Variants in PDE10A observed in about 807,000 individuals in gnomAD.
The protein encoded by PDE10A is phosphodiesterase 10A, also known as cAMP and cAMP-inhibited cGMP 3',5'-cyclic phosphodiesterase 10A.
Under a neutral mutation model 97.7 loss-of-function variants are expected in PDE10A, and 39 were observed. The ratio of observed to expected loss-of-function variants is 0.40; its 90% CI spans 0.31 to 0.52. The LOEUF (loss-of-function observed/expected upper bound fraction) is 0.52. Among genes scored for constraint, PDE10A ranks in the 20% least tolerant of loss-of-function variants. The probability of loss-of-function intolerance (pLI) is 0.56; values close to 1 mark genes in which losing one functional copy is unlikely to be tolerated. For missense variants in PDE10A, 731 were observed against 1,047.8 expected, an observed-to-expected ratio of 0.70 and a Z score of 4.17; for synonymous variants, 371 against 376.8, an observed-to-expected ratio of 0.98 and a Z score of 0.18.
At chr6:165,760,202 C>A (rs1793216833) in intron 1 of PDE10A, among the ~76,000 whole-genome samples, 1 of 152,168 alleles carries the variant, frequency 6.6e-6, no homozygotes, top group Admixed American at 6.5e-5. Context: ...AAGTACACTA[C>A]CACGAAGGTT....
intron 18 of PDE10A, among the ~76,000 whole-genome samples, chr6:165,377,124 A>G (rs1175338424): frequency 6.6e-6 from 1 of 152,196 alleles, no homozygotes; most frequent in Admixed American, 6.5e-5. Flanking sequence ...GCATGATGTT[A>G]TTGCATACTT....
At chr6:165,945,110 A>T (rs1458021249) in intron 1 of PDE10A, among the ~76,000 whole-genome samples, 1 of 152,180 alleles carries the variant, frequency 6.6e-6, no homozygotes, top group Admixed American at 6.5e-5. Context: ...CTTTGAAATC[A>T]GGCTCTAAAG....
chr6:165,621,771 A>AGGAG (rs1554297070), intron 1 of PDE10A, among the ~76,000 whole-genome samples: 1 of 134,688 alleles, frequency 7.4e-6, no homozygotes, highest in African/African-American at 2.7e-5. Context: ...AAGAAAAAAA[A>AGGAG]AAGAAGAAGA....
At chr6:165,976,553 A>G (rs947074119) in intron 1 of PDE10A, among the ~76,000 whole-genome samples, 10 of 152,156 alleles carry the variant, frequency 6.6e-5, no homozygotes, top group Non-Finnish European at 1.3e-4. Context: ...CAAGGTTTCA[A>G]AGAATATTCT....
intron 2 of PDE10A, among the ~76,000 whole-genome samples, chr6:165,495,329 GAGA>G (rs1247507242): frequency 1.3e-5 from 2 of 151,802 alleles, no homozygotes; most frequent in African/African-American, 2.4e-5. Flanking sequence ...GGGAAAGAGA[GAGA>G]AGGAGAGGGG....
chr6:165,794,448 A>T (rs1417202629), intron 1 of PDE10A, among the ~76,000 whole-genome samples: 1 of 151,726 alleles, frequency 6.6e-6, no homozygotes, highest in Admixed American at 6.6e-5. Flanking sequence ...TTGTACTCAC[A>T]CACTCACATG....
In PDE10A at chr6:165,379,928, A is replaced by G. The variant is rs567081858; in HGVS notation, c.2611-562T>C. ...CAAACACATTAAAAACTCTAAGGGC[A>G]AGAGTACCTTTCCCTACAACACAAA... On this transcript the variant is annotated intron_variant, in intron 17 of 21. Transcript: ENST00000539869. 2.6e-5 allele frequency among the ~76,000 whole-genome samples: 4 copies of G among 152,216 alleles called. No homozygotes were observed. The South Asian group carries it at 8.3e-4, about 32-fold the overall frequency.
intron 2 of PDE10A, among the ~76,000 whole-genome samples, chr6:165,542,468 A>G (rs1173277612): frequency 2.6e-5 from 4 of 152,114 alleles, no homozygotes; most frequent in Non-Finnish European, 5.9e-5. Flanking sequence ...ACAACATGCA[A>G]AGAGACTCCT....
Position 165,388,054 on chromosome 6 carries a change from C to G in PDE10A, c.2610+244G>C. ...AAGTATTGCTTTAGGGTTACAGGTACTTACTGATATAATGTTTAAAAAACA... is the reference window on the plus strand; with the variant it reads ...AAGTATTGCTTTAGGGTTACAGGTAGTTACTGATATAATGTTTAAAAAACA... On this transcript the variant is annotated intron_variant, in intron 17 of 21. Transcript: ENST00000539869. The surrounding 1 kb of genome is among the most constrained non-coding windows in gnomAD (Gnocchi z 4.0). 6.6e-6 allele frequency among the ~76,000 whole-genome samples: 1 copy of G among 152,072 alleles called. No homozygotes were observed. Among genetic ancestry groups the G allele is most frequent in the East Asian group, 1.9e-4 (1 of 5,196 alleles).
At chr6:165,476,065 A>G (rs1357930880) in intron 3 of PDE10A, among the ~76,000 whole-genome samples, 1 of 152,162 alleles carries the variant, frequency 6.6e-6, no homozygotes, top group Non-Finnish European at 1.5e-5. Flanking sequence ...AACAGACATA[A>G]GGATAATCTA....
intron 1 of PDE10A, among the ~76,000 whole-genome samples, chr6:165,672,168 A>G (rs1790665357): frequency 6.6e-6 from 1 of 152,180 alleles, no homozygotes; most frequent in African/African-American, 2.4e-5. Flanking sequence ...TCAGAAACTC[A>G]TTAATTACGT....
chr6:165,405,051 T>G (rs1787015443), intron 13 of PDE10A, among the ~76,000 whole-genome samples: 1 of 151,268 alleles, frequency 6.6e-6, no homozygotes, highest in East Asian at 1.9e-4. Flanking sequence ...TCCTCTAACG[T>G]GTTTCAGTGG....
intron 1 of PDE10A, among the ~76,000 whole-genome samples, chr6:165,963,215 G>C (rs1784409065): frequency 6.6e-6 from 1 of 152,190 alleles, no homozygotes; most frequent in Non-Finnish European, 1.5e-5. Flanking sequence ...ACTTACACAA[G>C]AGAAGAGCAA....
chr6:165,943,287 G>A (rs551930677), intron 1 of PDE10A, among the ~76,000 whole-genome samples: 2 of 86,328 alleles, frequency 2.3e-5, no homozygotes, highest in Non-Finnish European at 4.5e-5. Flanking sequence ...AAGAAAGAAA[G>A]AAAGAAGGAA....
chr6:165,547,797 T>C (rs1196208746), intron 1 of PDE10A, among the ~76,000 whole-genome samples: 1 of 152,148 alleles, frequency 6.6e-6, no homozygotes, highest in Non-Finnish European at 1.5e-5. Flanking sequence ...ACATCAACAA[T>C]GATACATTTT....
chr6:165,387,535 A>C (rs904618040), intron 17 of PDE10A, among the ~76,000 whole-genome samples: 1 of 152,252 alleles, frequency 6.6e-6, no homozygotes, highest in African/African-American at 2.4e-5. Context: ...GCCTATGGCC[A>C]GTTACTGGCA....
chr6:165,910,684 A>G (rs1036606982), intron 1 of PDE10A: 11 of 151,302 alleles, frequency 7.3e-5, no homozygotes, highest in African/African-American at 2.7e-4. Flanking sequence ...ATAAAATCCT[A>G]TAACTAAACT....
chr6:165,743,848 A>G (rs1339668901), intron 1 of PDE10A, among the ~76,000 whole-genome samples: 1 of 152,212 alleles, frequency 6.6e-6, no homozygotes, highest in Non-Finnish European at 1.5e-5. Flanking sequence ...ATTAAAAGAC[A>G]GAGACTCCAT....
chr6:165,341,863 G>A (rs191042443), intron 19 of PDE10A, among the ~76,000 whole-genome samples: 14 of 152,256 alleles, frequency 9.2e-5, no homozygotes, highest in African/African-American at 2.4e-4. Flanking sequence ...CTGGAGAGAC[G>A]AATAGCTCAG....
Sources: gnomAD v4.1 joint callset for allele counts (sites outside exome capture counted in the v4.1 genomes callset) on GRCh38, gnomAD v4.1.1 for gene constraint, Gnocchi (gnomAD v3.1) non-coding constraint, MANE v1.5 for transcripts, NCBI Gene and HGNC (gene_info 2026-07-23, HGNC 2026-07-21) for gene names.